MMP14: variants seen among roughly 807,000 people sequenced by gnomAD.
The protein encoded by MMP14 is matrix metalloproteinase-14.
A neutral mutation model predicts 64.8 loss-of-function variants in MMP14; 13 were observed. That is an observed-to-expected ratio of 0.20 (90% CI 0.13 to 0.32). The LOEUF (loss-of-function observed/expected upper bound fraction) is 0.32, where lower values mean the gene tolerates loss of function less well. Among genes scored for constraint, MMP14 ranks in the 10% least tolerant of loss-of-function variants. The pLI is 1.00. For synonymous variants in MMP14, 322 were observed against 315.9 expected (o/e 1.02, Z -0.20); for missense variants, 594 against 783.8 (o/e 0.76, Z 2.89).
rs749757665 is a variant in MMP14, at chr14:22,845,738, A to C, written c.1448A>C (p.Tyr483Ser). 2 of 1,614,052 alleles carry C rather than the reference A, an allele frequency of 1.2e-6. No individual in the cohort carries two copies. The highest frequency in any genetic ancestry group is 1.7e-6 in the Non-Finnish European group (2 of 1,180,024). Residue 483 changes from tyrosine (Y) to serine (S), a missense_variant, in exon 10 of 10, where the codon TAC (tyrosine) becomes TCC (serine). By Grantham distance (144) the Tyr-to-Ser change is moderately radical. Coordinates refer to ENST00000311852, the MANE Select transcript of MMP14 (RefSeq NM_004995.4). Reference sequence around the variant, plus strand: ...ACTTACTTCTACAAGGGGAACAAATACTGGAAATTCAACAACCAGAAGCTG... The same window carrying C: ...ACTTACTTCTACAAGGGGAACAAATCCTGGAAATTCAACAACCAGAAGCTG... ...VFTYFYKGNK[Y>S]WKFNNQKLKV...
At chr14:22,845,550 G>A (rs1266555608) in intron 9 of MMP14, among the ~76,000 whole-genome samples, 158 bp from the exon 10 acceptor site, 1 of 152,134 alleles carries the variant, frequency 6.6e-6, no homozygotes, top group African/African-American at 2.4e-5. Context: ...TTCCAACCTG[G>A]TACTATAAGC....
rs766554739 is a variant in MMP14 at position 22,845,271 on chromosome 14, A to G, written c.1322A>G (p.Glu441Gly). 2 of 1,613,730 alleles carry G rather than the reference A, an allele frequency of 1.2e-6. No homozygotes were observed. The highest frequency in any genetic ancestry group is 1.7e-5 in the Admixed American group (1 of 59,952). Residue 441 changes from glutamate to glycine, a missense_variant, in exon 9 of 10, where the codon GAG becomes GGG. By Grantham distance (98) the Glu-to-Gly change is moderately conservative (BLOSUM62 -2). Coordinates refer to ENST00000311852, the MANE Select transcript of MMP14 (RefSeq NM_004995.4). ...CCCAGGTACTACCGTTTCAACGAAG[A>G]GCTCAGGGCAGTGGATAGCGAGTAC... ...RGNKYYRFNE[E>G]LRAVDSEYPK...
rs2039824689 is a variant in MMP14, at chr14:22,847,589, A to G, written c.*1550A>G. On this transcript the variant is annotated 3_prime_UTR_variant, in exon 10 of 10. Coordinates refer to ENST00000311852, the MANE Select transcript of MMP14 (RefSeq NM_004995.4). The stretch of plus-strand genomic sequence containing the variant: ...TTTTTATTATAATTATTATATATGA[A>G]TTCCATTCAAATCGTTCCTTTTTGT... 1 of 123,974 alleles carries G rather than the reference A, an allele frequency of 8.1e-6. No individual in the cohort carries two copies. 7.7% of individuals were successfully genotyped at this position (123,974 alleles called of 1,614,324 possible).
intron 8 of MMP14, 83 bp from the exon 9 acceptor site, chr14:22,845,168 C>A: frequency 1.0e-6 from 1 of 976,114 alleles, no homozygotes; most frequent in Non-Finnish European, 1.6e-6. Context: ...TATCCTTTGC[C>A]CACTGGTGGA....
chr14:22,845,152 C>A, intron 8 of MMP14, 99 bp from the exon 9 acceptor site: 1 of 857,372 alleles, frequency 1.2e-6, no homozygotes, highest in Non-Finnish European at 1.9e-6. Context: ...CCACCCTGTC[C>A]ACAGCTATCC....
Position 22,842,335 on chromosome 14 carries a change from G to T in MMP14, c.381-75G>T, listed in dbSNP as rs1374817459. 9.9e-6 allele frequency: 15 copies of T among 1,508,514 alleles called. No individual in the cohort carries two copies. In the Admixed American group the frequency reaches 2.0e-4, roughly 20 times the overall value. 93.4% of individuals were successfully genotyped at this position (1,508,514 alleles called of 1,614,324 possible). A position where few individuals can be genotyped will look rare whatever the true frequency, so the allele number is the denominator to read the frequency against. On this transcript the variant is annotated intron_variant, in intron 3 of 9. Coordinates refer to ENST00000311852, the MANE Select transcript of MMP14 (RefSeq NM_004995.4). The surrounding 1 kb of genome is among the most constrained non-coding windows in gnomAD (Gnocchi z 5.3). The stretch of plus-strand genomic sequence containing the variant: ...CTGGGCCGCGCAGTCAGACCTGGGA[G>T]AGTGCAGGGAAGGAGAATGTTGCCC...
rs2039815905 is a variant in MMP14 at position 22,846,616 on chromosome 14, A to T, written c.*577A>T. 6.5e-6 allele frequency: 1 copy of T among 152,796 alleles called. No individual in the cohort carries two copies. The highest frequency in any genetic ancestry group is 1.5e-5 in the Non-Finnish European group (1 of 68,218). 9.5% of individuals were successfully genotyped at this position (152,796 alleles called of 1,614,324 possible). A position where few individuals can be genotyped will look rare whatever the true frequency, so the allele number is the denominator to read the frequency against. On this transcript the variant is annotated 3_prime_UTR_variant, in exon 10 of 10. Transcript: ENST00000311852. The stretch of plus-strand genomic sequence containing the variant: ...AGCCACCCTAAGACCTTGGGAGGAA[A>T]ACTCAGAGAGGGTCTTCGTTGCTCA...
rs936294690 is a variant in MMP14 at position 22,846,129 on chromosome 14, C to T, written c.*90C>T. 11 of 1,247,234 alleles carry T rather than the reference C, an allele frequency of 8.8e-6. No homozygotes were observed. The highest frequency in any genetic ancestry group is 4.6e-5 in the African/African-American group (3 of 65,760). 77.3% of individuals were successfully genotyped at this position (1,247,234 alleles called of 1,614,324 possible). A position where few individuals can be genotyped will look rare whatever the true frequency, so the allele number is the denominator to read the frequency against. On this transcript the variant is annotated 3_prime_UTR_variant, in exon 10 of 10. Transcript: ENST00000311852. ...GTGGTGGTGGGTGGGCTGTTCCCAT[C>T]GTCCCGAGCCCCCTCCCCGCAGCCT... is the stretch of plus-strand genomic sequence containing the variant.
At chr14:22,840,709 A>G (rs2039767121) in intron 1 of MMP14, among the ~76,000 whole-genome samples, 1 of 152,078 alleles carries the variant, frequency 6.6e-6, no homozygotes, top group Non-Finnish European at 1.5e-5. Context: ...ACAGGGTTTC[A>G]CCGTGTTAGC....
rs1159751199 is a variant in MMP14, at chr14:22,842,676, ACT to A, written c.650_651del (p.Ser217CysfsTer9). 1 of 1,612,652 alleles carries A rather than the reference ACT, an allele frequency of 6.2e-7. No homozygotes were observed. The highest frequency in any genetic ancestry group is 1.1e-5 in the South Asian group (1 of 90,898). ...AACATTGGAGGAGACACCCACTTTG[ACT>A]CTGCCGAGCCTTGGACTGTCAGGAA... On this transcript the variant is annotated frameshift_variant, in exon 4 of 10. Coordinates refer to ENST00000311852, the MANE Select transcript of MMP14 (RefSeq NM_004995.4). LOFTEE classifies it high-confidence loss of function. The surrounding 1 kb of genome is among the most constrained non-coding windows in gnomAD (Gnocchi z 5.3).
At chr14:22,837,123 C>G in intron 1 of MMP14, 198 bp downstream of exon 1, 1 of 689,980 alleles carries the variant, frequency 1.4e-6, no homozygotes. Flanking sequence ...CGCTTCCAAC[C>G]AGCTGCCCCC....
rs775016768 is a variant in MMP14, at chr14:22,843,518, C to T, written c.850+100C>T. The T allele has an allele frequency of 7.6e-6, 11 of 1,447,370 alleles. No homozygotes were observed. The highest frequency in any genetic ancestry group is 1.0e-5 in the Non-Finnish European group (11 of 1,063,700). 89.7% of individuals were successfully genotyped at this position (1,447,370 alleles called of 1,614,324 possible). A position where few individuals can be genotyped will look rare whatever the true frequency, so the allele number is the denominator to read the frequency against. On this transcript the variant is annotated intron_variant, in intron 5 of 9. Transcript: ENST00000311852. The surrounding 1 kb of genome is among the most constrained non-coding windows in gnomAD (Gnocchi z 4.8). ...TATGCCTTGCAGTCTCCGCACCGCC[C>T]CCTGCCAACCTGCCCCTGCCTCTAT... is the stretch of plus-strand genomic sequence containing the variant.
At chr14:22,840,092 G>A (rs1209276959) in intron 1 of MMP14, among the ~76,000 whole-genome samples, 1 of 147,860 alleles carries the variant, frequency 6.8e-6, no homozygotes, top group Non-Finnish European at 1.5e-5. Context: ...ACAGCTTCCT[G>A]AGTAGCTGGG....
At chr14:22,841,362 C>T (rs2039771317) in intron 1 of MMP14, 129 bp from the exon 2 acceptor site, 16 of 1,217,666 alleles carry the variant, frequency 1.3e-5, no homozygotes, top group East Asian at 2.4e-5. Flanking sequence ...GACCTGCTGC[C>T]GGAGCCAAGC....
In MMP14 at chr14:22,844,716, G is replaced by A. The variant is rs765577412; in HGVS notation, c.1237G>A (p.Asp413Asn). ...IKELGRGLPT[D>N]KIDAALFWMP... is the part of the protein sequence containing the mutation. ...GGAGCTGGGCCGAGGGCTGCCTACC[G>A]ACAAGATTGATGCTGCTCTCTTCTG... The change falls in exon 8 of 10, where the codon GAC becomes AAC. Residue 413 changes from aspartate (D) to asparagine (N), a missense_variant. By Grantham distance (23) the Asp-to-Asn change is conservative. Around this residue, in one of 4 missense-constraint regions of MMP14, gnomAD observed 364 missense variants for 425.2 expected, o/e 0.86. Transcript: ENST00000311852. 12 of 1,614,034 alleles carry A rather than the reference G, an allele frequency of 7.4e-6. No homozygotes were observed. Among genetic ancestry groups the A allele is most frequent in the East Asian group, 4.5e-5 (2 of 44,876 alleles).
At chr14:22,841,229 GCT>G (rs1017976821) in intron 1 of MMP14, among the ~76,000 whole-genome samples, 3 of 152,222 alleles carry the variant, frequency 2.0e-5, no homozygotes, top group Non-Finnish European at 2.9e-5. Context: ...AACCACCAGG[GCT>G]CTCTCTCATT....
chr14:22,841,841 A>G, intron 2 of MMP14, 72 bp from the exon 3 acceptor site: 1 of 1,598,864 alleles, frequency 6.3e-7, no homozygotes, highest in Non-Finnish European at 8.5e-7. Context: ...GTCTTACCCA[A>G]CACTGATCGT....
intron 1 of MMP14, 51 bp from the exon 2 acceptor site, chr14:22,841,440 C>T: frequency 6.3e-7 from 1 of 1,597,964 alleles, no homozygotes; most frequent in South Asian, 1.1e-5. Flanking sequence ...GAGGTAGAGG[C>T]ACCCTATGGG....
rs750634272 is a variant in MMP14 at position 22,844,721 on chromosome 14, G to A, written c.1242G>A (p.Lys414=). Residue 414 remains lysine, a synonymous_variant, in exon 8 of 10, where the codon AAG becomes AAA. Transcript: ENST00000311852. Reference sequence around the variant, plus strand: ...TGGGCCGAGGGCTGCCTACCGACAAGATTGATGCTGCTCTCTTCTGGATGC... The same window carrying A: ...TGGGCCGAGGGCTGCCTACCGACAAAATTGATGCTGCTCTCTTCTGGATGC... ...KELGRGLPTD[K]IDAALFWMPN... The A allele has an allele frequency of 1.2e-6, 2 of 1,614,114 alleles. No individual in the cohort carries two copies. Among genetic ancestry groups the A allele is most frequent in the South Asian group, 1.1e-5 (1 of 91,082 alleles).
Sources: allele counts gnomAD v4.1 joint callset (sites outside exome capture counted in the v4.1 genomes callset), GRCh38; gene constraint gnomAD v4.1.1; regional missense constraint gnomAD v4.1.1; non-coding constraint Gnocchi (gnomAD v3.1); transcripts MANE v1.5; gene names NCBI Gene and HGNC (gene_info 2026-07-23, HGNC 2026-07-21).